The following GALNTL6 variants were observed in gnomAD, a reference collection of about 807,000 sequenced individuals.
GALNTL6 encodes polypeptide N-acetylgalactosaminyltransferase like 6, also known as polypeptide N-acetylgalactosaminyltransferase-like 6.
In GALNTL6, 46 loss-of-function variants were observed where a neutral mutation model predicts 73.7. The observed-to-expected ratio is 0.62, with a 90% CI of 0.49 to 0.80. The LOEUF (loss-of-function observed/expected upper bound fraction) is 0.80, where lower values mean the gene tolerates loss of function less well. Among genes scored for constraint, GALNTL6 ranks in the 30% least tolerant of loss-of-function variants. The pLI, the probability that GALNTL6 is intolerant of heterozygous loss-of-function variation, is 0.00. For synonymous variants in GALNTL6, 259 were observed against 263.7 expected (o/e 0.98, Z 0.17); for missense variants, 604 against 755.0 (o/e 0.80, Z 2.34).
At chr4:172,372,321 T>C (rs563387127) in intron 5 of GALNTL6, among the ~76,000 whole-genome samples, 106 of 152,246 alleles carry the variant, frequency 7.0e-4, no homozygotes, top group Admixed American at 1.8e-3. Context: ...ATATACATAT[T>C]TGAAGCACCG....
intron 5 of GALNTL6, among the ~76,000 whole-genome samples, chr4:172,794,706 C>A (rs1740173553): frequency 6.6e-6 from 1 of 152,194 alleles, no homozygotes; most frequent in Non-Finnish European, 1.5e-5. Context: ...AGAATCAACC[C>A]TGCAGGTGAT....
chr4:171,989,376 C>G (rs1051998258), intron 2 of GALNTL6, among the ~76,000 whole-genome samples: 4 of 152,048 alleles, frequency 2.6e-5, no homozygotes, highest in Non-Finnish European at 5.9e-5. Flanking sequence ...GGAGTGGCTG[C>G]CAGGTGAGTT....
chr4:172,485,361 T>G (rs1261269179), intron 5 of GALNTL6, among the ~76,000 whole-genome samples: 2 of 152,132 alleles, frequency 1.3e-5, no homozygotes, highest in Non-Finnish European at 2.9e-5. Flanking sequence ...AATAATAAGC[T>G]ATAATGAGAT....
At chr4:172,431,947 C>G (rs1731473716) in intron 5 of GALNTL6, among the ~76,000 whole-genome samples, 1 of 152,086 alleles carries the variant, frequency 6.6e-6, no homozygotes, top group Non-Finnish European at 1.5e-5. Flanking sequence ...TCTCTCCTGG[C>G]ATGTGACCTC....
At chr4:172,734,765 G>A (rs1736357476) in intron 5 of GALNTL6, among the ~76,000 whole-genome samples, 1 of 152,080 alleles carries the variant, frequency 6.6e-6, no homozygotes, top group African/African-American at 2.4e-5. Flanking sequence ...TCCTGGGCCA[G>A]GTCCAGGGTC....
intron 10 of GALNTL6, among the ~76,000 whole-genome samples, chr4:172,967,989 A>G (rs1156395660): frequency 3.3e-5 from 5 of 152,212 alleles, no homozygotes; most frequent in Non-Finnish European, 7.3e-5. Context: ...AGAATATATT[A>G]GCATTTCTGA....
At chr4:171,877,451 T>C (rs1318021566) in intron 2 of GALNTL6, among the ~76,000 whole-genome samples, 2 of 152,174 alleles carry the variant, frequency 1.3e-5, no homozygotes, top group Non-Finnish European at 2.9e-5. Flanking sequence ...GTGTCAAGCA[T>C]GAATCCGAGA....
At chr4:172,017,700 T>C (rs1741249427) in intron 2 of GALNTL6, among the ~76,000 whole-genome samples, 1 of 152,066 alleles carries the variant, frequency 6.6e-6, no homozygotes, top group South Asian at 2.1e-4. Flanking sequence ...TCCCACGGGG[T>C]GATCCCTTCA....
rs1048177607 is a variant in GALNTL6, at chr4:172,568,682, C to T, written c.553+219993C>T. ...CTGAGGCAGGAGAATGGCGTGAACC[C>T]GGGAGGCGGAGCTTGCAGTGAGCCG... On this transcript the variant is annotated intron_variant, in intron 5 of 12. Transcript: ENST00000506823. Among the ~76,000 whole-genome samples, 6 of 133,130 alleles carry T rather than the reference C, an allele frequency of 4.5e-5. No individual in the cohort carries two copies. The East Asian group carries it at 7.1e-4, about 16-fold the overall frequency. 87.3% of individuals were successfully genotyped at this position (133,130 alleles called of 152,430 possible).
intron 5 of GALNTL6, among the ~76,000 whole-genome samples, chr4:172,412,187 A>T (rs953520270): frequency 8.6e-5 from 13 of 151,968 alleles, no homozygotes; most frequent in African/African-American, 3.1e-4. Flanking sequence ...AAGACTACAG[A>T]TTCATGGCAT....
intron 5 of GALNTL6, among the ~76,000 whole-genome samples, chr4:172,561,157 G>A (rs1020824396): frequency 2.0e-5 from 3 of 149,652 alleles, no homozygotes; most frequent in South Asian, 2.1e-4. Flanking sequence ...GGAGGCTGAG[G>A]CAGGAGAATG....
At chr4:172,319,372 A>G (rs1217202289) in intron 4 of GALNTL6, among the ~76,000 whole-genome samples, 1 of 152,230 alleles carries the variant, frequency 6.6e-6, no homozygotes, top group African/African-American at 2.4e-5. Flanking sequence ...ATAATTAAAC[A>G]GAATTGGTTG....
At chr4:172,010,015 G>C (rs1262830488) in intron 2 of GALNTL6, among the ~76,000 whole-genome samples, 2 of 152,040 alleles carry the variant, frequency 1.3e-5, no homozygotes, top group Non-Finnish European at 1.5e-5. Flanking sequence ...AGACAATACA[G>C]TTTTTCTTGT....
intron 9 of GALNTL6, among the ~76,000 whole-genome samples, chr4:172,949,981 T>C (rs780747657): frequency 1.3e-5 from 2 of 150,684 alleles, no homozygotes; most frequent in Non-Finnish European, 3.0e-5. Flanking sequence ...AAATGTGGCC[T>C]GAGGACAAGT....
At chr4:172,028,785 A>G (rs578236686) in intron 2 of GALNTL6, among the ~76,000 whole-genome samples, 2 of 152,144 alleles carry the variant, frequency 1.3e-5, no homozygotes, top group Admixed American at 1.3e-4. Context: ...CTGCATATGA[A>G]TGAACAAAAT....
chr4:172,397,500 T>C (rs182388641), intron 5 of GALNTL6, among the ~76,000 whole-genome samples: 30 of 152,240 alleles, frequency 2.0e-4, no homozygotes, highest in African/African-American at 7.0e-4. Flanking sequence ...TTATGTGAGC[T>C]GTACATTTAT....
rs566531692 is a variant in GALNTL6 at position 172,237,367 on chromosome 4, A to AT, written c.247+7610dup. Among the ~76,000 whole-genome samples, 603 of 152,020 alleles carry AT rather than the reference A, an allele frequency of 4.0e-3. 3 individuals carry two copies. Among genetic ancestry groups the AT allele is most frequent in the African/African-American group, 0.014 (575 of 41,478 alleles). ...TCACTAATGATGAGTGATGTTGAAC[A>AT]TTTTTTTCATTTGCTTGTTGCCTAT... On this transcript the variant is annotated intron_variant, in intron 3 of 12. Coordinates refer to ENST00000506823, the MANE Select transcript of GALNTL6 (RefSeq NM_001034845.3).
chr4:172,768,550 G>A (rs142337331), intron 5 of GALNTL6, among the ~76,000 whole-genome samples: 67 of 152,330 alleles, frequency 4.4e-4, no homozygotes, highest in African/African-American at 1.5e-3. Flanking sequence ...TTCATGCAAG[G>A]GGGTTTGGGG....
intron 5 of GALNTL6, among the ~76,000 whole-genome samples, chr4:172,778,554 A>G (rs1739199045): frequency 6.6e-6 from 1 of 152,210 alleles, no homozygotes; most frequent in African/African-American, 2.4e-5. Context: ...AGCAGACCCC[A>G]CAAAGAACTG....
Sources: gnomAD v4.1 joint callset for allele counts (sites outside exome capture counted in the v4.1 genomes callset) on GRCh38, gnomAD v4.1.1 for gene constraint, MANE v1.5 for transcripts, NCBI Gene and HGNC (gene_info 2026-07-23, HGNC 2026-07-21) for gene names.